The following HUNK variants were observed in gnomAD, a reference collection of about 807,000 sequenced individuals.
HUNK encodes hormonally up-regulated neu tumor-associated kinase.
A neutral mutation model predicts 61.0 loss-of-function variants in HUNK; 21 were observed. The ratio of observed to expected loss-of-function variants is 0.34; its 90% CI spans 0.24 to 0.50. The LOEUF is 0.50. Ranked by LOEUF, HUNK falls within the 20% of genes least tolerant of loss-of-function variation. The pLI is 0.98. For synonymous variants in HUNK, 371 were observed against 386.1 expected (o/e 0.96, Z 0.46); for missense variants, 772 against 945.7 (o/e 0.82, Z 2.41).
At chr21:31,908,547 G>C (rs1432622122) in intron 1 of HUNK, among the ~76,000 whole-genome samples, 4 of 152,150 alleles carry the variant, frequency 2.6e-5, no homozygotes, top group African/African-American at 9.7e-5. Context: ...CCTCAGCGAG[G>C]AGGAACGGTT....
chr21:31,996,888 T>C (rs2053209691), intron 10 of HUNK, among the ~76,000 whole-genome samples: 1 of 152,300 alleles, frequency 6.6e-6, no homozygotes, highest in South Asian at 2.1e-4. Flanking sequence ...CTGCTTTCCC[T>C]GGGGCAGAGC....
chr21:31,960,553 T>C (rs1011377197), intron 5 of HUNK, among the ~76,000 whole-genome samples: 1 of 152,106 alleles, frequency 6.6e-6, no homozygotes, highest in African/African-American at 2.4e-5. Flanking sequence ...GGGTAATTTA[T>C]AAAGGAAAGA....
chr21:31,961,901 G>C (rs1018258244), intron 5 of HUNK, among the ~76,000 whole-genome samples: 1 of 152,204 alleles, frequency 6.6e-6, no homozygotes, highest in Non-Finnish European at 1.5e-5. Flanking sequence ...GAATAGACCA[G>C]GTTATGCTGC....
At chr21:31,935,201 T>C (rs1435209356) in intron 2 of HUNK, among the ~76,000 whole-genome samples, 2 of 152,156 alleles carry the variant, frequency 1.3e-5, no homozygotes, top group Admixed American at 1.3e-4. Flanking sequence ...TTAGTGTGGA[T>C]TGCTTAGGAA....
At chr21:31,912,504 A>G (rs1015675532) in intron 1 of HUNK, among the ~76,000 whole-genome samples, 1 of 152,066 alleles carries the variant, frequency 6.6e-6, no homozygotes, top group African/African-American at 2.4e-5. Flanking sequence ...GTAGAGTTGT[A>G]ATTAGGCTGG....
chr21:31,965,418 T>C (rs1258563485), intron 5 of HUNK, among the ~76,000 whole-genome samples: 1 of 151,656 alleles, frequency 6.6e-6, no homozygotes, highest in African/African-American at 2.4e-5. Flanking sequence ...AGTTTACCTA[T>C]ATAACAAACC....
Position 31,940,261 on chromosome 21 carries a change from G to C in HUNK, c.610+41G>C, listed in dbSNP as rs114747218. 1,074 of 1,273,028 alleles carry C rather than the reference G, an allele frequency of 8.4e-4. 15 individuals carry two copies. The African/African-American group carries it at 0.015, about 18-fold the overall frequency. 78.9% of individuals were successfully genotyped at this position (1,273,028 alleles called of 1,614,324 possible). ...TTTTTTAAGCAAAAGTATCTTTTAA[G>C]TGTTGTGTTGTCAGTTCTCAACTTT... On this transcript the variant is annotated intron_variant, in intron 3 of 10. Coordinates refer to ENST00000270112, the MANE Select transcript of HUNK (RefSeq NM_014586.2).
chr21:31,880,127 G>T (rs1047434564), intron 1 of HUNK, among the ~76,000 whole-genome samples: 1 of 152,180 alleles, frequency 6.6e-6, no homozygotes, highest in African/African-American at 2.4e-5. Flanking sequence ...CACCAGCCCA[G>T]TGCTACAGTG....
At chr21:31,952,886 A>G (rs1410117511) in intron 4 of HUNK, among the ~76,000 whole-genome samples, 1 of 151,972 alleles carries the variant, frequency 6.6e-6, no homozygotes, top group Non-Finnish European at 1.5e-5. Flanking sequence ...CTCTTGTCCC[A>G]GTCTCTCATC....
At chr21:31,895,000 T>C (rs2052415505) in intron 1 of HUNK, among the ~76,000 whole-genome samples, 1 of 152,240 alleles carries the variant, frequency 6.6e-6, no homozygotes, top group Non-Finnish European at 1.5e-5. Context: ...CAGTGACTGA[T>C]TAAGTGTCCC....
intron 10 of HUNK, among the ~76,000 whole-genome samples, chr21:31,996,601 A>G (rs2053207674): frequency 6.6e-6 from 1 of 152,220 alleles, no homozygotes; most frequent in Non-Finnish European, 1.5e-5. Context: ...AACACATGGT[A>G]GAAACGCCAA....
intron 4 of HUNK, among the ~76,000 whole-genome samples, chr21:31,955,320 G>A (rs759286551): frequency 0.16 from 57 of 354 alleles, no homozygotes; most frequent in Non-Finnish European, 0.32. Flanking sequence ...GGCCGGGCGC[G>A]GTGCTCACGC....
intron 1 of HUNK, among the ~76,000 whole-genome samples, chr21:31,886,423 C>CAAA (rs35762828): frequency 3.8e-5 from 5 of 130,644 alleles, no homozygotes; most frequent in Admixed American, 8.2e-5. Flanking sequence ...GAGACTGTCT[C>CAAA]AAAAAAAAAA....
chr21:31,879,814 G>C (rs1266727882), intron 1 of HUNK, among the ~76,000 whole-genome samples: 1 of 152,208 alleles, frequency 6.6e-6, no homozygotes, highest in Non-Finnish European at 1.5e-5. Context: ...GTTATCATTT[G>C]CCTTGGGACA....
chr21:31,993,086 A>T lies in HUNK; in HGVS notation c.1306-2682A>T, dbSNP rs76649079. On this transcript the variant is annotated intron_variant, in intron 9 of 10. Transcript: ENST00000270112. Reference sequence around the variant, plus strand: ...GGTGGTCTTGGCAGGGTTTCCTGGAATTTTCTGTCTGGGGGTGCATTTTTC... The same window carrying T: ...GGTGGTCTTGGCAGGGTTTCCTGGATTTTTCTGTCTGGGGGTGCATTTTTC... 7.9e-3 allele frequency among the ~76,000 whole-genome samples: 1,198 copies of T among 152,112 alleles called. 36 individuals are homozygous for T. Among genetic ancestry groups the T allele is most frequent in the Admixed American group, 0.061 (936 of 15,294 alleles).
intron 1 of HUNK, among the ~76,000 whole-genome samples, chr21:31,890,234 CT>C (rs535992198): frequency 3.8e-3 from 550 of 146,212 alleles, no homozygotes; most frequent in African/African-American, 0.011. Flanking sequence ...TTTTAGATAC[CT>C]TTTTTTTTTT....
chr21:31,946,098 G>A lies in HUNK; in HGVS notation c.673G>A (p.Gly225Ser), dbSNP rs1383703155. 1.2e-6 allele frequency: 2 copies of A among 1,613,496 alleles called. No homozygotes were observed. The highest frequency in any genetic ancestry group is 1.7e-5 in the Admixed American group (1 of 59,996). ...GYSDPFSTQC[G>S]SPAYAAPELL... The stretch of plus-strand genomic sequence containing the variant: ...CTCGGATCCGTTCAGCACACAGTGT[G>A]GCAGCCCTGCCTACGCTGCACCTGA... Residue 225 changes from glycine (G) to serine (S), a missense_variant, in exon 4 of 11, where the codon GGC becomes AGC. By Grantham distance (56) the Gly-to-Ser change is moderately conservative (BLOSUM62 0). Coordinates refer to ENST00000270112, the MANE Select transcript of HUNK (RefSeq NM_014586.2).
chr21:31,929,646 A>G (rs755093550), intron 2 of HUNK, among the ~76,000 whole-genome samples: 1 of 152,248 alleles, frequency 6.6e-6, no homozygotes, highest in Non-Finnish European at 1.5e-5. Context: ...GGGTAATACA[A>G]TACCACCATC....
At position 31,990,182 on chromosome 21, in the gene HUNK, A is replaced by G; in HGVS notation, c.1305+6A>G. ...TTGAATTCCATGCCGTGCAGGTAAG[A>G]ACTTGGGGGATTATTATGTTAGTCA... On this transcript the variant is annotated splice_donor_region_variant and intron_variant, in intron 9 of 10. Transcript: ENST00000270112. 6.2e-7 allele frequency: 1 copy of G among 1,612,842 alleles called. No individual in the cohort carries two copies. Among genetic ancestry groups the G allele is most frequent in the Non-Finnish European group, 8.5e-7 (1 of 1,179,044 alleles).
Sources: allele counts gnomAD v4.1 joint callset (sites outside exome capture counted in the v4.1 genomes callset), GRCh38; gene constraint gnomAD v4.1.1; transcripts MANE v1.5; gene names NCBI Gene and HGNC (gene_info 2026-07-23, HGNC 2026-07-21).